The following MAGI2 variants were observed in gnomAD, a reference collection of about 807,000 sequenced individuals.
The protein encoded by MAGI2 is membrane-associated guanylate kinase, WW and PDZ domain-containing protein 2.
In MAGI2, 35 loss-of-function variants were observed where a neutral mutation model predicts 133.3. The ratio of observed to expected loss-of-function variants is 0.26; its 90% CI spans 0.20 to 0.35. MAGI2 has a LOEUF of 0.35. Among genes scored for constraint, MAGI2 ranks in the 10% least tolerant of loss-of-function variants. MAGI2 has a pLI of 1.00. For missense variants in MAGI2, 1,636 were observed against 1,863.4 expected (o/e 0.88, Z 2.25); for synonymous variants, 729 against 710.6 (o/e 1.03, Z -0.41).
At position 79,211,404 on chromosome 7, in the gene MAGI2, C is replaced by T. The variant is rs78318146; in HGVS notation, c.302-204198G>A. On this transcript the variant is annotated intron_variant, in intron 1 of 21. Transcript: ENST00000354212. Reference sequence around the variant, plus strand: ...GATCTCCTCTCACGTCAGCCTCCTGCGTAGCTGAGACTACAGTGCACCACT... The same window carrying T: ...GATCTCCTCTCACGTCAGCCTCCTGTGTAGCTGAGACTACAGTGCACCACT... Among the ~76,000 whole-genome samples, 94 of 151,920 alleles carry T rather than the reference C, an allele frequency of 6.2e-4. 2 individuals are homozygous for T. In the East Asian group the frequency reaches 0.017, roughly 27 times the overall value.
intron 21 of MAGI2, among the ~76,000 whole-genome samples, chr7:78,067,777 A>G (rs1228985092): frequency 6.6e-6 from 1 of 152,218 alleles, no homozygotes. Context: ...CTATAGTTAA[A>G]TATTGGGAGT....
At chr7:79,251,488 GT>G (rs1833268467) in intron 1 of MAGI2, among the ~76,000 whole-genome samples, 1 of 152,048 alleles carries the variant, frequency 6.6e-6, no homozygotes, top group Non-Finnish European at 1.5e-5. Flanking sequence ...ATAAGAAAAG[GT>G]GCTCCACATC....
In MAGI2 at chr7:78,860,182, A is replaced by G. The variant is rs186015170; in HGVS notation, c.418+146908T>C. Among the ~76,000 whole-genome samples, 774 of 152,230 alleles carry G rather than the reference A, an allele frequency of 5.1e-3. 8 individuals carry two copies. The highest frequency in any genetic ancestry group is 0.018 in the African/African-American group (736 of 41,522). ...TTTTTAGCTTCTTTGCTATGGGTTC[A>G]AACATTCTCCTTTAGCTTGGAGAAG... is the stretch of plus-strand genomic sequence containing the variant. On this transcript the variant is annotated intron_variant, in intron 2 of 21. Coordinates refer to ENST00000354212, the MANE Select transcript of MAGI2 (RefSeq NM_012301.4).
intron 6 of MAGI2, among the ~76,000 whole-genome samples, chr7:78,398,545 T>C (rs1254551424): frequency 6.6e-6 from 1 of 152,186 alleles, no homozygotes; most frequent in Admixed American, 6.6e-5. Flanking sequence ...TCTTAGACCA[T>C]TTTTCTTTAG....
chr7:78,368,164 C>A (rs1277435223), intron 7 of MAGI2, among the ~76,000 whole-genome samples: 1 of 152,174 alleles, frequency 6.6e-6, no homozygotes, highest in East Asian at 1.9e-4. Context: ...GGGCAGAGAG[C>A]ACACAGATTT....
chr7:78,326,137 C>T (rs1788557984), intron 9 of MAGI2, among the ~76,000 whole-genome samples: 1 of 152,188 alleles, frequency 6.6e-6, no homozygotes, highest in African/African-American at 2.4e-5. Context: ...CCAAGGACCA[C>T]ACTGCTTTCA....
At position 78,550,187 on chromosome 7, in the gene MAGI2, C is replaced by T. The variant is rs114392510; in HGVS notation, c.539-28542G>A. Among the ~76,000 whole-genome samples, 585 of 152,274 alleles carry T rather than the reference C, an allele frequency of 3.8e-3. 3 individuals are homozygous for T. Among genetic ancestry groups the T allele is most frequent in the African/African-American group, 0.014 (563 of 41,546 alleles). On this transcript the variant is annotated intron_variant, in intron 3 of 21. Transcript: ENST00000354212. ...GAAGCAAATTTCTGTTGTTTATAGG[C>T]CACTCAGTTTACAGTATTTTGTTAT...
At chr7:78,839,522 A>G (rs1478313747) in intron 2 of MAGI2, among the ~76,000 whole-genome samples, 1 of 152,072 alleles carries the variant, frequency 6.6e-6, no homozygotes, top group Non-Finnish European at 1.5e-5. Context: ...AAAGAGGTCT[A>G]ATTGACTCAG....
At chr7:78,553,747 C>T (rs1162851611) in intron 3 of MAGI2, among the ~76,000 whole-genome samples, 1 of 152,182 alleles carries the variant, frequency 6.6e-6, no homozygotes, top group Non-Finnish European at 1.5e-5. Context: ...CATATTGCCC[C>T]AAATCACACA....
rs1000460937 is a variant in MAGI2, at chr7:78,541,594, A to G, written c.539-19949T>C. On this transcript the variant is annotated intron_variant, in intron 3 of 21. Coordinates refer to ENST00000354212, the MANE Select transcript of MAGI2 (RefSeq NM_012301.4). ...ACCACACATTAGAGCTTAAGCTTTC[A>G]AAGTGTAGGCCCCAGAGCAACAGCA... Among the ~76,000 whole-genome samples, 16 of 152,312 alleles carry G rather than the reference A, an allele frequency of 1.1e-4. 1 individual carries two copies. The highest frequency in any genetic ancestry group is 3.8e-4 in the African/African-American group (16 of 41,570).
intron 1 of MAGI2, among the ~76,000 whole-genome samples, chr7:79,048,558 G>C (rs1812383999): frequency 6.6e-6 from 1 of 152,174 alleles, no homozygotes; most frequent in Non-Finnish European, 1.5e-5. Flanking sequence ...TAAATAATGA[G>C]TAAATGTATA....
intron 9 of MAGI2, among the ~76,000 whole-genome samples, chr7:78,339,745 A>C (rs1375253644): frequency 1.3e-5 from 2 of 152,220 alleles, no homozygotes; most frequent in Non-Finnish European, 2.9e-5. Context: ...AAATATCACC[A>C]AATGAATGGC....
At chr7:78,925,718 T>A (rs1249097283) in intron 2 of MAGI2, among the ~76,000 whole-genome samples, 1 of 152,038 alleles carries the variant, frequency 6.6e-6, no homozygotes, top group Non-Finnish European at 1.5e-5. Context: ...AATATTTGTT[T>A]TACCTTGCAA....
intron 21 of MAGI2, among the ~76,000 whole-genome samples, chr7:78,032,843 G>C (rs1809731931): frequency 6.6e-6 from 1 of 152,114 alleles, no homozygotes. Flanking sequence ...AAATGTAACA[G>C]ACAGTGCAAA....
At chr7:78,140,750 T>C (rs1822660631) in intron 16 of MAGI2, among the ~76,000 whole-genome samples, 1 of 152,230 alleles carries the variant, frequency 6.6e-6, no homozygotes, top group Non-Finnish European at 1.5e-5. Flanking sequence ...GGTCAATTAC[T>C]ACATCAATCA....
chr7:79,388,525 C>T (rs867621252), intron 1 of MAGI2, among the ~76,000 whole-genome samples: 45 of 151,840 alleles, frequency 3.0e-4, no homozygotes, highest in African/African-American at 1.0e-3. Context: ...GAATGGGCAA[C>T]TTATTTTAAG....
At position 79,120,620 on chromosome 7, in the gene MAGI2, A is replaced by T. The variant is rs138210593; in HGVS notation, c.302-113414T>A. Among the ~76,000 whole-genome samples the T allele has an allele frequency of 4.4e-3, 677 of 152,228 alleles. 7 individuals are homozygous for T. The highest frequency in any genetic ancestry group is 0.016 in the African/African-American group (645 of 41,580). ...TAGGTCCTAATCTATTTACAGAAGC[A>T]TGGTGAGTTTAGCAGATGTTTGAAG... On this transcript the variant is annotated intron_variant, in intron 1 of 21. Coordinates refer to ENST00000354212, the MANE Select transcript of MAGI2 (RefSeq NM_012301.4).
intron 1 of MAGI2, among the ~76,000 whole-genome samples, chr7:79,441,194 G>C (rs908661564): frequency 1.3e-5 from 2 of 152,166 alleles, no homozygotes; most frequent in African/African-American, 4.8e-5. Context: ...GTGGATACTT[G>C]AACAAAACTG....
intron 1 of MAGI2, among the ~76,000 whole-genome samples, chr7:79,339,856 G>C (rs909789214): frequency 1.3e-5 from 2 of 152,050 alleles, no homozygotes; most frequent in African/African-American, 4.8e-5. Flanking sequence ...TGCAAACAAG[G>C]AGAAATCAAA....
Sources: allele counts gnomAD v4.1 joint callset (sites outside exome capture counted in the v4.1 genomes callset), GRCh38; gene constraint gnomAD v4.1.1; transcripts MANE v1.5; gene names NCBI Gene and HGNC (gene_info 2026-07-23, HGNC 2026-07-21).